IDE: variants seen among roughly 807,000 people sequenced by gnomAD.
IDE encodes insulin-degrading enzyme.
In IDE, 58 loss-of-function variants were observed where a neutral mutation model predicts 133.2. The ratio of observed to expected loss-of-function variants is 0.44; its 90% CI spans 0.35 to 0.54. The LOEUF is 0.54. Ranked by LOEUF, IDE falls within the 20% of genes least tolerant of loss-of-function variation. IDE has a pLI of 0.00. For missense variants in IDE, 981 were observed against 1,234.0 expected (o/e 0.79, Z 3.07); for synonymous variants, 396 against 421.3 (o/e 0.94, Z 0.73).
In IDE at chr10:92,504,869, G is replaced by A. The variant is rs34708742; in HGVS notation, c.1355C>T (p.Ala452Val). The stretch of plus-strand genomic sequence containing the variant: ...TCTAAATTCTTCCAGTAAATATTCC[G>A]CTGTGAGCACCTCTTCTAGGGGATA... ...HYYPLEEVLT[A>V]EYLLEEFRPD... The change falls in exon 11 of 25, where the codon GCG becomes GTG. Residue 452 changes from alanine to valine, a missense_variant. This residue lies in a region of IDE where 660 missense variants were observed against 894.7 expected (regional missense o/e 0.74). Coordinates refer to ENST00000265986, the MANE Select transcript of IDE (RefSeq NM_004969.4). 8.9e-6 allele frequency: 14 copies of A among 1,566,750 alleles called. No homozygotes were observed. Among genetic ancestry groups the A allele is most frequent in the Admixed American group, 3.8e-5 (2 of 53,322 alleles).
intron 1 of IDE, among the ~76,000 whole-genome samples, chr10:92,559,837 A>G (rs1843193571): frequency 6.6e-6 from 1 of 150,780 alleles, no homozygotes; most frequent in Non-Finnish European, 1.5e-5. Flanking sequence ...TCCCCGGCTC[A>G]AGCAATCCTC....
chr10:92,470,203 A>G, intron 18 of IDE, 51 bp downstream of exon 18: 2 of 1,260,670 alleles, frequency 1.6e-6, no homozygotes, highest in Non-Finnish European at 2.3e-6. Flanking sequence ...CTAGAGGGAA[A>G]AAATATCTTG....
Position 92,574,045 on chromosome 10 carries a change from C to A in IDE, c.-26G>T, listed in dbSNP as rs1176243513. 2.7e-6 allele frequency: 4 copies of A among 1,492,048 alleles called. No homozygotes were observed. Among genetic ancestry groups the A allele is most frequent in the South Asian group, 1.3e-5 (1 of 79,550 alleles). 92.4% of individuals were successfully genotyped at this position (1,492,048 alleles called of 1,614,324 possible). On this transcript the variant is annotated 5_prime_UTR_variant, in exon 1 of 25. Coordinates refer to ENST00000265986, the MANE Select transcript of IDE (RefSeq NM_004969.4). ...TAGCCAGCGCAGTCGCCGGGATCAC[C>A]GCAAACGCTTCCTGCTTGCGCTTCG...
At chr10:92,564,610 G>T (rs1187182793) in intron 1 of IDE, among the ~76,000 whole-genome samples, 1 of 137,536 alleles carries the variant, frequency 7.3e-6, no homozygotes, top group African/African-American at 2.7e-5. Context: ...AGAGACAGGG[G>T]TTGCAGTAAG....
At chr10:92,572,312 T>A (rs1843824230) in intron 1 of IDE, among the ~76,000 whole-genome samples, 1 of 152,212 alleles carries the variant, frequency 6.6e-6, no homozygotes, top group Non-Finnish European at 1.5e-5. Flanking sequence ...AAAGGAGGCA[T>A]CCTGCCTGTG....
chr10:92,499,435 G>A (rs1047547223), intron 11 of IDE, among the ~76,000 whole-genome samples: 6 of 151,356 alleles, frequency 4.0e-5, no homozygotes, highest in Non-Finnish European at 7.4e-5. Context: ...ATGAGCCACC[G>A]CACCCAGCCT....
intron 1 of IDE, chr10:92,541,152 T>C: frequency 3.7e-6 from 1 of 273,030 alleles, no homozygotes; most frequent in South Asian, 3.3e-5. Context: ...TAATCAAATA[T>C]CATGACTTCT....
At chr10:92,466,642 G>GCTCTGTCACCC (rs1845704829) in intron 19 of IDE, among the ~76,000 whole-genome samples, 1 of 125,318 alleles carries the variant, frequency 8.0e-6, no homozygotes. Flanking sequence ...TTTTGAGACG[G>GCTCTGTCACCC]AGTCTGGCTC....
chr10:92,458,590 C>T (rs989347840), intron 22 of IDE, among the ~76,000 whole-genome samples: 20 of 149,148 alleles, frequency 1.3e-4, no homozygotes, highest in Admixed American at 6.8e-4. Flanking sequence ...CAACCTCCAC[C>T]TTCTGGGTTC....
chr10:92,548,594 T>A (rs1750505210), intron 1 of IDE, among the ~76,000 whole-genome samples: 1 of 152,106 alleles, frequency 6.6e-6, no homozygotes, highest in Admixed American at 6.6e-5. Context: ...TCGCAGTGGC[T>A]AAGGTGCAAA....
chr10:92,552,677 G>C (rs1442346621), intron 1 of IDE, among the ~76,000 whole-genome samples: 2 of 151,564 alleles, frequency 1.3e-5, no homozygotes. Context: ...TGGCTAACAT[G>C]GTGAACTCCC....
intron 1 of IDE, among the ~76,000 whole-genome samples, chr10:92,549,591 C>T (rs1276178984): frequency 6.6e-6 from 1 of 151,854 alleles, no homozygotes; most frequent in East Asian, 1.9e-4. Flanking sequence ...GAATCTAGTA[C>T]GTAAGTGAAG....
chr10:92,570,108 A>AC (rs1843718027), intron 1 of IDE, among the ~76,000 whole-genome samples: 1 of 149,620 alleles, frequency 6.7e-6, no homozygotes, highest in Non-Finnish European at 1.5e-5. Context: ...CTCAGTCTCA[A>AC]AAAAAAAAAA....
intron 19 of IDE, among the ~76,000 whole-genome samples, chr10:92,468,089 G>C (rs1589373407): frequency 6.6e-6 from 1 of 152,130 alleles, no homozygotes; most frequent in South Asian, 2.1e-4. Context: ...GGGAGTTTTA[G>C]AAAAAGTTTA....
rs1192932050 is a variant in IDE, at chr10:92,454,261, A to C, written c.*183T>G. On this transcript the variant is annotated 3_prime_UTR_variant, in exon 25 of 25. Coordinates refer to ENST00000265986, the MANE Select transcript of IDE (RefSeq NM_004969.4). ...GAGGCATGTATTTAAAAAATATTCT[A>C]CATCTATAAGATTTTGTAATTTACT... is the stretch of plus-strand genomic sequence containing the variant. 2.5e-5 allele frequency: 12 copies of C among 484,346 alleles called. No homozygotes were observed. The highest frequency in any genetic ancestry group is 2.1e-4 in the South Asian group (6 of 28,364). The allele number at this position is 484,346 out of a possible 1,614,324, so 30.0% of individuals were successfully genotyped here. A position where few individuals can be genotyped will look rare whatever the true frequency, so the allele number is the denominator to read the frequency against.
intron 1 of IDE, among the ~76,000 whole-genome samples, chr10:92,572,689 A>T (rs1413659478): frequency 6.6e-6 from 1 of 152,200 alleles, no homozygotes; most frequent in African/African-American, 2.4e-5. Context: ...ATAATACAGG[A>T]CTTGTGTCCT....
chr10:92,461,329 T>A, intron 21 of IDE, 77 bp from the exon 22 acceptor site: 1 of 710,438 alleles, frequency 1.4e-6, no homozygotes, highest in Non-Finnish European at 2.5e-6. Context: ...AATGACAATA[T>A]ACTTCACTCC....
rs143477967 is a variant in IDE at position 92,474,935 on chromosome 10, C to T, written c.2022G>A (p.Arg674=). The change falls in exon 17 of 25, where the codon CGG becomes CGA. Residue 674 remains arginine, a synonymous_variant. Coordinates refer to ENST00000265986, the MANE Select transcript of IDE (RefSeq NM_004969.4). Reference sequence around the variant, plus strand: ...TGGCATGCTGGTGAGGCTGTTCAGCCCGGAAATTGTTAAGAGATCGCATAT... The same window carrying T: ...TGGCATGCTGGTGAGGCTGTTCAGCTCGGAAATTGTTAAGAGATCGCATAT... ...EAYMRSLNNF[R]AEQPHQHAMY... is the part of the protein sequence containing the mutation. The T allele has an allele frequency of 8.1e-6, 13 of 1,612,840 alleles. No homozygotes were observed. The East Asian group carries it at 2.2e-4, about 28-fold the overall frequency.
intron 13 of IDE, among the ~76,000 whole-genome samples, chr10:92,485,832 CT>C (rs1384330100): frequency 6.6e-6 from 1 of 152,024 alleles, no homozygotes; most frequent in Non-Finnish European, 1.5e-5. Flanking sequence ...AATCCAGCTA[CT>C]TAGGAGGCTG....
Sources: allele counts gnomAD v4.1 joint callset (sites outside exome capture counted in the v4.1 genomes callset), GRCh38; gene constraint gnomAD v4.1.1; regional missense constraint gnomAD v4.1.1; transcripts MANE v1.5; gene names NCBI Gene and HGNC (gene_info 2026-07-23, HGNC 2026-07-21).